Variants in NID1 observed in about 807,000 individuals in gnomAD.
NID1 encodes the protein nidogen-1.
Under a neutral mutation model 130.6 loss-of-function variants are expected in NID1, and 76 were observed. That is an observed-to-expected ratio of 0.58 (90% CI 0.48 to 0.70). NID1 has a LOEUF of 0.70. Ranked by LOEUF, NID1 falls within the 30% of genes least tolerant of loss-of-function variation. The pLI is 0.00. For synonymous variants in NID1, 665 were observed against 675.1 expected (o/e 0.98, Z 0.23); for missense variants, 1,517 against 1,664.8 (o/e 0.91, Z 1.54).
rs961621758 is a variant in NID1 at position 235,993,693 on chromosome 1, C to T, written c.2707G>A (p.Gly903Ser). Residue 903 changes from glycine (G) to serine (S), a missense_variant, in exon 13 of 20, where the codon GGC (glycine) becomes AGC (serine). Coordinates refer to ENST00000264187, the MANE Select transcript of NID1 (RefSeq NM_002508.3). ...TGYCWCVDRDGREVEGTRTRP... is the reference protein window; with the variant it reads ...TGYCWCVDRDSREVEGTRTRP... Reference sequence around the variant, plus strand: ...GTCCTGGTGCCCTCCACCTCGCGGCCGTCGCGATCCACGCACCAGCAGTAG... The same window carrying T: ...GTCCTGGTGCCCTCCACCTCGCGGCTGTCGCGATCCACGCACCAGCAGTAG... 2.5e-6 allele frequency: 4 copies of T among 1,595,814 alleles called. No homozygotes were observed. The highest frequency in any genetic ancestry group is 2.3e-5 in the East Asian group (1 of 44,002).
rs16833032 is a variant in NID1, at chr1:235,979,844, G to T, written c.3487C>A (p.Leu1163Met). 1 of 1,613,948 alleles carries T rather than the reference G, an allele frequency of 6.2e-7. No homozygotes were observed. The highest frequency in any genetic ancestry group is 8.5e-7 in the Non-Finnish European group (1 of 1,179,958). ...TACATCTTCCAGTCTGTGAAATACA[G>T]ATTCTTCCCGTAGCTCGTCACAGCA... ...PFAVTSYGKN[L>M]YFTDWKMNSV... Residue 1163 changes from leucine (L) to methionine (M), a missense_variant, in exon 18 of 20, where the codon CTG becomes ATG. Transcript: ENST00000264187. The surrounding 1 kb of genome is among the most constrained non-coding windows in gnomAD (Gnocchi z 4.6).
At chr1:236,036,521 C>T (rs1175764133) in intron 5 of NID1, among the ~76,000 whole-genome samples, 2 of 152,182 alleles carry the variant, frequency 1.3e-5, no homozygotes, top group African/African-American at 4.8e-5. Context: ...ACATTAAACA[C>T]ACAAGGAAAA....
At chr1:236,013,613 G>A in intron 10 of NID1, 53 bp from the exon 11 acceptor site, 4 of 1,607,302 alleles carry the variant, frequency 2.5e-6, no homozygotes, top group Non-Finnish European at 3.4e-6. Flanking sequence ...CCCTGAGCAG[G>A]CCACATGCCC....
chr1:236,005,129 T>C (rs1272892479), intron 12 of NID1, among the ~76,000 whole-genome samples: 5 of 151,868 alleles, frequency 3.3e-5, no homozygotes, highest in Non-Finnish European at 1.5e-5. Flanking sequence ...GCTGAGATCA[T>C]ACCACTGCAC....
intron 15 of NID1, among the ~76,000 whole-genome samples, chr1:235,982,808 A>T (rs957461572): frequency 3.9e-5 from 6 of 152,184 alleles, no homozygotes; most frequent in African/African-American, 1.4e-4. Context: ...ATAAGCAGGA[A>T]GGAGAAGGGG....
chr1:236,016,511 C>T (rs551593470), intron 10 of NID1, among the ~76,000 whole-genome samples: 27 of 152,298 alleles, frequency 1.8e-4, no homozygotes, highest in South Asian at 1.4e-3. Context: ...ACGACCAGGT[C>T]AAAGTGCAGC....
chr1:236,052,271 C>T (rs1427928002), intron 1 of NID1, among the ~76,000 whole-genome samples: 1 of 152,200 alleles, frequency 6.6e-6, no homozygotes, highest in Non-Finnish European at 1.5e-5. Context: ...AGCCTTGTTC[C>T]TTTTCTCCAT....
chr1:236,032,828 G>A (rs990771872), intron 5 of NID1, among the ~76,000 whole-genome samples, 176 bp from the exon 6 acceptor site: 1 of 152,200 alleles, frequency 6.6e-6, no homozygotes, highest in Non-Finnish European at 1.5e-5. Context: ...ACCCACAACT[G>A]TATGCTGCGG....
At chr1:236,031,633 T>A (rs1433270861) in intron 6 of NID1, among the ~76,000 whole-genome samples, 1 of 152,094 alleles carries the variant, frequency 6.6e-6, no homozygotes, top group Non-Finnish European at 1.5e-5. Flanking sequence ...AGTGGCTAGG[T>A]ACCTGTGCCC....
intron 7 of NID1, among the ~76,000 whole-genome samples, chr1:236,027,377 C>A (rs543709987): frequency 6.6e-6 from 1 of 152,190 alleles, no homozygotes; most frequent in African/African-American, 2.4e-5. Context: ...AGCTCCCACA[C>A]GCCAGAAAGG....
intron 5 of NID1, among the ~76,000 whole-genome samples, chr1:236,036,947 G>A (rs1005171238): frequency 6.6e-6 from 1 of 152,168 alleles, no homozygotes. Context: ...CATCAGAAAA[G>A]TGACTAAGAC....
chr1:235,994,635 A>G (rs1340905849), intron 12 of NID1, among the ~76,000 whole-genome samples: 1 of 152,062 alleles, frequency 6.6e-6, no homozygotes, highest in African/African-American at 2.4e-5. Context: ...GTTTTATTTT[A>G]AGAAAATTTT....
rs1292023961 is a variant in NID1 at position 235,977,083 on chromosome 1, C to G, written c.*784G>C. On this transcript the variant is annotated 3_prime_UTR_variant, in exon 20 of 20. Transcript: ENST00000264187. ...ATAATTTAAGGCACATCAAAAAAATCCCCTATTCTCAAATATCTGACCTAC... is the reference window on the plus strand; with the variant it reads ...ATAATTTAAGGCACATCAAAAAAATGCCCTATTCTCAAATATCTGACCTAC... The G allele has an allele frequency of 6.6e-6, 1 of 152,000 alleles. No individual in the cohort carries two copies. Among genetic ancestry groups the G allele is most frequent in the Non-Finnish European group, 1.5e-5 (1 of 67,986 alleles). 9.4% of individuals were successfully genotyped at this position (152,000 alleles called of 1,614,324 possible).
chr1:236,062,375 CTGTA>C (rs1660062654), intron 1 of NID1, among the ~76,000 whole-genome samples: 2 of 152,194 alleles, frequency 1.3e-5, no homozygotes, highest in Non-Finnish European at 2.9e-5. Flanking sequence ...TGGCTCATGC[CTGTA>C]ATCCCAACAC....
chr1:236,000,530 A>T (rs1658047286), intron 12 of NID1, among the ~76,000 whole-genome samples: 1 of 152,042 alleles, frequency 6.6e-6, no homozygotes, highest in Non-Finnish European at 1.5e-5. Flanking sequence ...CATACATCTT[A>T]CCTGTATTGA....
At chr1:235,997,549 A>G (rs1355504358) in intron 12 of NID1, among the ~76,000 whole-genome samples, 2 of 151,118 alleles carry the variant, frequency 1.3e-5, no homozygotes, top group Admixed American at 6.6e-5. Flanking sequence ...AGAATATTAT[A>G]TATTTCTCAG....
intron 2 of NID1, among the ~76,000 whole-genome samples, 177 bp from the exon 3 acceptor site, chr1:236,045,860 GAAAT>G (rs1659587000): frequency 3.9e-5 from 6 of 152,186 alleles, no homozygotes; most frequent in Admixed American, 3.9e-4. Flanking sequence ...TAGTTCCACT[GAAAT>G]ATCCCTAAGG....
rs906473040 is a variant in NID1, at chr1:236,026,093, C to G, written c.1787G>C (p.Arg596Pro). 2 of 1,613,462 alleles carry G rather than the reference C, an allele frequency of 1.2e-6. No individual in the cohort carries two copies. The highest frequency in any genetic ancestry group is 1.7e-6 in the Non-Finnish European group (2 of 1,179,820). The change falls in exon 8 of 20, where the codon CGA (arginine) becomes CCA (proline). Residue 596 changes from arginine to proline, a missense_variant. Physicochemically the swap from Arg to Pro is moderately radical, Grantham distance 103 (BLOSUM62 -2). Coordinates refer to ENST00000264187, the MANE Select transcript of NID1 (RefSeq NM_002508.3). ...GATGCGTGAAGGAGATGCCCCATCT[C>G]GCTCGGGCTCAGTCACCGTGTACTC... ...TREYTVTEPE[R>P]DGASPSRIYT...
intron 19 of NID1, 66 bp downstream of exon 19, chr1:235,978,929 C>T (rs942579291): frequency 4.6e-6 from 5 of 1,094,384 alleles, no homozygotes; most frequent in African/African-American, 1.5e-5. Context: ...GGGTAGCAGC[C>T]AGAGTGTGGG....
Sources: allele counts gnomAD v4.1 joint callset (sites outside exome capture counted in the v4.1 genomes callset), GRCh38; gene constraint gnomAD v4.1.1; non-coding constraint Gnocchi (gnomAD v3.1); transcripts MANE v1.5; gene names NCBI Gene and HGNC (gene_info 2026-07-23, HGNC 2026-07-21).